GPR158: variants seen among roughly 807,000 people sequenced by gnomAD.
GPR158 encodes the protein metabotropic glycine receptor.
GPR158 carries 30 observed loss-of-function variants against 78.2 expected under a neutral mutation model. The ratio of observed to expected loss-of-function variants is 0.38; its 90% CI spans 0.29 to 0.52. The LOEUF is 0.52. GPR158 is among the 20% of genes least tolerant of loss of function. GPR158 has a pLI of 0.83. For synonymous variants in GPR158, 581 were observed against 591.1 expected (o/e 0.98, Z 0.25); for missense variants, 1,463 against 1,523.5 (o/e 0.96, Z 0.66).
intron 2 of GPR158, among the ~76,000 whole-genome samples, chr10:25,338,087 AATG>A (rs1281589860): frequency 6.6e-6 from 1 of 151,792 alleles, no homozygotes; most frequent in African/African-American, 2.4e-5. Flanking sequence ...TCACTCTGTT[AATG>A]ATATCTTTGT....
chr10:25,365,086 T>C lies in GPR158; in HGVS notation c.1009-30825T>C, dbSNP rs142625441. On this transcript the variant is annotated intron_variant, in intron 2 of 10. Coordinates refer to ENST00000376351, the MANE Select transcript of GPR158 (RefSeq NM_020752.3). The stretch of plus-strand genomic sequence containing the variant: ...ATTTATTTAAAATTTTTTCCTATTT[T>C]GGAAAACATTATTTTGGTAGTTTAA... 2.6e-5 allele frequency among the ~76,000 whole-genome samples: 4 copies of C among 151,962 alleles called. No individual in the cohort carries two copies. The East Asian group carries it at 7.8e-4, about 30-fold the overall frequency.
At chr10:25,197,874 C>T (rs937089197) in intron 1 of GPR158, among the ~76,000 whole-genome samples, 1 of 152,076 alleles carries the variant, frequency 6.6e-6, no homozygotes, top group Non-Finnish European at 1.5e-5. Context: ...CACTGGGTTC[C>T]CTGACAAGAA....
At chr10:25,422,886 A>C (rs1834770864) in intron 4 of GPR158, among the ~76,000 whole-genome samples, 1 of 120,770 alleles carries the variant, frequency 8.3e-6, no homozygotes, top group African/African-American at 3.1e-5. Flanking sequence ...CCCAAAGTTC[A>C]TTGTATCATT....
intron 1 of GPR158, among the ~76,000 whole-genome samples, chr10:25,198,632 C>A (rs1852875330): frequency 6.6e-6 from 1 of 152,068 alleles, no homozygotes; most frequent in Admixed American, 6.5e-5. Context: ...TCTAAATAAG[C>A]AGAAAGCTAT....
chr10:25,180,866 G>GA (rs113872524), intron 1 of GPR158, among the ~76,000 whole-genome samples: 4,226 of 128,978 alleles, frequency 0.033, 202 homozygotes, highest in African/African-American at 0.11. Flanking sequence ...ATTTGGTTAA[G>GA]AAAAAAAAAA....
intron 5 of GPR158, among the ~76,000 whole-genome samples, chr10:25,516,088 A>T (rs944672483): frequency 1.3e-5 from 2 of 151,624 alleles, no homozygotes; most frequent in African/African-American, 4.8e-5. Flanking sequence ...GATATCTCAT[A>T]GTGGTTTTGA....
Position 25,551,060 on chromosome 10 carries a change from G to A in GPR158, c.1489G>A (p.Gly497Arg), listed in dbSNP as rs1285726905. The change falls in exon 6 of 11, where the codon GGA (glycine) becomes AGA (arginine). Residue 497 changes from glycine to arginine, a missense_variant. Gly to Arg is a moderately radical substitution (Grantham distance 125, BLOSUM62 -2). Coordinates refer to ENST00000376351, the MANE Select transcript of GPR158 (RefSeq NM_020752.3). ...ARLLGFATVY[G>R]TVTLKLHRVL... is the part of the protein sequence containing the mutation. ...TCTTCTCGGTTTTGCTACTGTTTAC[G>A]GAACTGTCACTCTCAAACTTCACAG... The A allele has an allele frequency of 1.3e-6, 2 of 1,594,670 alleles. No individual in the cohort carries two copies. Among genetic ancestry groups the A allele is most frequent in the Non-Finnish European group, 1.7e-6 (2 of 1,162,510 alleles).
intron 2 of GPR158, among the ~76,000 whole-genome samples, chr10:25,249,502 T>C (rs1394619975): frequency 6.6e-6 from 1 of 151,846 alleles, no homozygotes; most frequent in East Asian, 1.9e-4. Flanking sequence ...ACCTAATTTA[T>C]TGAGAGTTTT....
At chr10:25,231,985 G>T (rs1175804770) in intron 2 of GPR158, among the ~76,000 whole-genome samples, 1 of 152,116 alleles carries the variant, frequency 6.6e-6, no homozygotes, top group East Asian at 1.9e-4. Flanking sequence ...TGGGGCGAGA[G>T]AATTGACTTG....
intron 5 of GPR158, among the ~76,000 whole-genome samples, chr10:25,494,793 A>G (rs1242726406): frequency 6.6e-6 from 1 of 152,204 alleles, no homozygotes; most frequent in Non-Finnish European, 1.5e-5. Context: ...GTTTAAATAC[A>G]TGGACTCTTT....
intron 1 of GPR158, among the ~76,000 whole-genome samples, chr10:25,194,544 AT>A (rs1257103480): frequency 6.6e-6 from 1 of 152,142 alleles, no homozygotes; most frequent in African/African-American, 2.4e-5. Flanking sequence ...ATCTCAAAAA[AT>A]ATATAAATAA....
chr10:25,348,435 A>G (rs1169219966), intron 2 of GPR158, among the ~76,000 whole-genome samples: 1 of 148,238 alleles, frequency 6.7e-6, no homozygotes, highest in Non-Finnish European at 1.5e-5. Flanking sequence ...ACACACACAC[A>G]CGGAAAAACC....
chr10:25,433,686 C>CTTTT (rs1834953006), intron 4 of GPR158, among the ~76,000 whole-genome samples: 1 of 64,762 alleles, frequency 1.5e-5, no homozygotes, highest in South Asian at 5.7e-4. Flanking sequence ...TTCTTTCTTT[C>CTTTT]TTTCTTTCTT....
At chr10:25,215,609 T>G (rs1564393498) in intron 1 of GPR158, among the ~76,000 whole-genome samples, 1 of 152,098 alleles carries the variant, frequency 6.6e-6, no homozygotes, top group East Asian at 1.9e-4. Context: ...CTGAGGCAGG[T>G]GGATCACCTG....
intron 6 of GPR158, among the ~76,000 whole-genome samples, chr10:25,563,947 C>T (rs77708071): frequency 0.015 from 2,316 of 151,758 alleles, 49 homozygotes; most frequent in African/African-American, 0.053. Context: ...TGTTTCTTTG[C>T]GTGCCTCATT....
chr10:25,530,026 G>T (rs76532620), intron 5 of GPR158, among the ~76,000 whole-genome samples: 8,057 of 152,126 alleles, frequency 0.053, 708 homozygotes, highest in African/African-American at 0.18. Context: ...AAAATGTCTA[G>T]ACTCATCCTC....
At chr10:25,454,019 T>C (rs1436621432) in intron 4 of GPR158, among the ~76,000 whole-genome samples, 2 of 152,144 alleles carry the variant, frequency 1.3e-5, no homozygotes, top group Non-Finnish European at 2.9e-5. Flanking sequence ...TTACTTTGGG[T>C]AGTATGGATA....
At chr10:25,513,178 T>TG (rs1554809837) in intron 5 of GPR158, among the ~76,000 whole-genome samples, 65 of 152,028 alleles carry the variant, frequency 4.3e-4, no homozygotes, top group African/African-American at 1.5e-3. Flanking sequence ...ATTTTTTTTT[T>TG]TTGTTGGCAA....
chr10:25,408,096 G>A (rs1834538566), intron 3 of GPR158, among the ~76,000 whole-genome samples: 1 of 152,184 alleles, frequency 6.6e-6, no homozygotes, highest in Non-Finnish European at 1.5e-5. Flanking sequence ...TGTATTGAAA[G>A]TAAATAATGT....
Sources: gnomAD v4.1 joint callset for allele counts (sites outside exome capture counted in the v4.1 genomes callset) on GRCh38, gnomAD v4.1.1 for gene constraint, MANE v1.5 for transcripts, NCBI Gene and HGNC (gene_info 2026-07-23, HGNC 2026-07-21) for gene names.